The following APBA2 variants were observed in gnomAD, a reference collection of about 807,000 sequenced individuals.
APBA2 encodes the protein amyloid beta precursor protein binding family A member 2.
APBA2 carries 30 observed loss-of-function variants against 75.0 expected under a neutral mutation model. That is an observed-to-expected ratio of 0.40 (90% CI 0.30 to 0.54). The LOEUF (loss-of-function observed/expected upper bound fraction) is 0.54. Ranked by LOEUF, APBA2 falls within the 20% of genes least tolerant of loss-of-function variation. The pLI is 0.49. For synonymous variants in APBA2, 444 were observed against 409.6 expected (o/e 1.08, Z -1.01); for missense variants, 801 against 1,016.1 (o/e 0.79, Z 2.88).
intron 2 of APBA2, among the ~76,000 whole-genome samples, chr15:28,925,451 C>G (rs1219175288): frequency 1.3e-5 from 2 of 152,156 alleles, no homozygotes; most frequent in African/African-American, 4.8e-5. Flanking sequence ...TGTAATTTCT[C>G]CCTTAAATGT....
chr15:29,041,779 T>C (rs1189867931), intron 3 of APBA2, among the ~76,000 whole-genome samples: 4 of 152,138 alleles, frequency 2.6e-5, no homozygotes, highest in African/African-American at 9.7e-5. Flanking sequence ...CTAAAATTTA[T>C]ATAGAAAAAT....
At chr15:28,941,467 G>A (rs908109363) in intron 2 of APBA2, among the ~76,000 whole-genome samples, 2 of 140,696 alleles carry the variant, frequency 1.4e-5, no homozygotes, top group African/African-American at 5.4e-5. Flanking sequence ...GAAATGCTGT[G>A]TGACCAACGA....
chr15:29,113,752 A>C, intron 13 of APBA2, 124 bp from the exon 14 acceptor site: 3 of 1,228,382 alleles, frequency 2.4e-6, no homozygotes, highest in Non-Finnish European at 3.5e-6. Flanking sequence ...GAGTCAGCGA[A>C]TTGCACGTGC....
At chr15:28,984,187 C>G (rs750204583) in intron 2 of APBA2, among the ~76,000 whole-genome samples, 1 of 152,086 alleles carries the variant, frequency 6.6e-6, no homozygotes. Flanking sequence ...TGAAAGCAAG[C>G]TCTCGAGGCG....
At chr15:28,909,755 G>A (rs1595437280) in intron 1 of APBA2, among the ~76,000 whole-genome samples, 1 of 152,312 alleles carries the variant, frequency 6.6e-6, no homozygotes, top group East Asian at 1.9e-4. Flanking sequence ...CAGCCTATCC[G>A]GGGCTTTGTA....
chr15:28,901,908 A>ATATGTGTGTGTGTGTG (rs2032879823), intron 1 of APBA2, among the ~76,000 whole-genome samples: 1 of 67,378 alleles, frequency 1.5e-5, no homozygotes, highest in Non-Finnish European at 2.7e-5. Flanking sequence ...GGAGCTTTTG[A>ATATGTGTGTGTGTGTG]TGTGTGTGTG....
At chr15:28,892,349 A>T (rs1204657082) in intron 1 of APBA2, among the ~76,000 whole-genome samples, 1 of 152,216 alleles carries the variant, frequency 6.6e-6, no homozygotes, top group Admixed American at 6.5e-5. Flanking sequence ...TGCTGGGATT[A>T]CAGGCGTGAG....
At chr15:28,946,204 C>G (rs905220001) in intron 2 of APBA2, among the ~76,000 whole-genome samples, 2 of 152,186 alleles carry the variant, frequency 1.3e-5, no homozygotes, top group South Asian at 2.1e-4. Flanking sequence ...CTAGCTGTGG[C>G]GCCTGTAAAT....
intron 2 of APBA2, among the ~76,000 whole-genome samples, chr15:28,988,838 G>C (rs551503859): frequency 6.6e-6 from 1 of 152,332 alleles, no homozygotes; most frequent in African/African-American, 2.4e-5. Context: ...AGAGAGTACA[G>C]TAATCTTCAA....
chr15:28,899,406 C>T (rs536524378), intron 1 of APBA2, among the ~76,000 whole-genome samples: 11 of 152,354 alleles, frequency 7.2e-5, no homozygotes, highest in African/African-American at 2.6e-4. Flanking sequence ...TCGCTGACTT[C>T]AGAGGAGAGA....
chr15:29,037,723 G>A (rs2040819197), intron 3 of APBA2, among the ~76,000 whole-genome samples: 1 of 152,070 alleles, frequency 6.6e-6, no homozygotes, highest in African/African-American at 2.4e-5. Flanking sequence ...GAAGTTTATT[G>A]GCTCAAAGTT....
chr15:29,026,161 C>T (rs1255474681), intron 3 of APBA2, among the ~76,000 whole-genome samples: 1 of 152,124 alleles, frequency 6.6e-6, no homozygotes, highest in African/African-American at 2.4e-5. Flanking sequence ...GGCCTCAATG[C>T]CCTGTATGGC....
At chr15:29,048,829 G>T (rs574228264) in intron 3 of APBA2, among the ~76,000 whole-genome samples, 8 of 151,888 alleles carry the variant, frequency 5.3e-5, no homozygotes, top group Non-Finnish European at 8.8e-5. Context: ...TGTAGTCCTA[G>T]CTACTCGGGA....
intron 1 of APBA2, among the ~76,000 whole-genome samples, chr15:28,908,986 CTTTT>C (rs558056022): frequency 3.0e-5 from 4 of 131,866 alleles, no homozygotes; most frequent in African/African-American, 3.1e-5. Flanking sequence ...ATTTTACTTC[CTTTT>C]TTTTTTTTTT....
At chr15:29,063,094 G>A (rs1425853745) in intron 4 of APBA2, among the ~76,000 whole-genome samples, 6 of 121,848 alleles carry the variant, frequency 4.9e-5, no homozygotes, top group Admixed American at 7.8e-5. Context: ...TGGGTGGTGC[G>A]GGGAGTTGAT....
At chr15:28,943,459 C>T (rs1454057514) in intron 2 of APBA2, among the ~76,000 whole-genome samples, 1 of 152,260 alleles carries the variant, frequency 6.6e-6, no homozygotes, top group African/African-American at 2.4e-5. Flanking sequence ...TTGGCCTGCA[C>T]TGTCCTATGA....
At chr15:28,985,476 A>G (rs560903516) in intron 2 of APBA2, among the ~76,000 whole-genome samples, 1 of 152,276 alleles carries the variant, frequency 6.6e-6, no homozygotes, top group East Asian at 1.9e-4. Flanking sequence ...CTGTTTTTCA[A>G]AAAGGAAAGC....
intron 14 of APBA2, 144 bp from the exon 15 acceptor site, chr15:29,116,918 G>A: frequency 1.1e-6 from 1 of 870,066 alleles, no homozygotes; most frequent in Non-Finnish European, 2.0e-6. Flanking sequence ...CCCCAGGCCT[G>A]GGCAGGCTGG....
chr15:28,962,825 G>C (rs1167605293), intron 2 of APBA2, among the ~76,000 whole-genome samples: 1 of 152,188 alleles, frequency 6.6e-6, no homozygotes, highest in Non-Finnish European at 1.5e-5. Context: ...ATGATCTGCA[G>C]ACTCATTAGA....
Sources: allele counts gnomAD v4.1 joint callset (sites outside exome capture counted in the v4.1 genomes callset), GRCh38; gene constraint gnomAD v4.1.1; transcripts MANE v1.5; gene names NCBI Gene and HGNC (gene_info 2026-07-23, HGNC 2026-07-21).